Variants in ACOX3 observed in about 807,000 individuals in gnomAD.
ACOX3 encodes the protein acyl-CoA oxidase 3, pristanoyl, also known as peroxisomal acyl-coenzyme A oxidase 3.
Under a neutral mutation model 81.5 loss-of-function variants are expected in ACOX3, and 73 were observed. That is an observed-to-expected ratio of 0.90 (90% CI 0.74 to 1.09). The LOEUF (loss-of-function observed/expected upper bound fraction) is 1.09, where lower values mean the gene tolerates loss of function less well. Ranked by LOEUF, ACOX3 falls within the 50% of genes least tolerant of loss-of-function variation. The probability of loss-of-function intolerance (pLI) is 0.00; values close to 1 mark genes in which losing one functional copy is unlikely to be tolerated. For missense variants in ACOX3, 947 were observed against 928.0 expected (o/e 1.02, Z -0.27); for synonymous variants, 387 against 375.1 (o/e 1.03, Z -0.37).
intron 17 of ACOX3, among the ~76,000 whole-genome samples, chr4:8,369,546 G>A (rs1351995260): frequency 2.0e-5 from 3 of 152,180 alleles, no homozygotes; most frequent in Admixed American, 2.0e-4. Context: ...CTGCAGAGAT[G>A]ACCATCCCTG....
chr4:8,404,776 G>A (rs1248820042), intron 7 of ACOX3, among the ~76,000 whole-genome samples: 1 of 152,316 alleles, frequency 6.6e-6, no homozygotes, highest in East Asian at 1.9e-4. Context: ...GCCTCGCTAT[G>A]AAACACTATA....
rs145751243 is a variant in ACOX3 at position 8,389,245 on chromosome 4, G to T, written c.1465C>A (p.Leu489Met). The change falls in exon 13 of 18, where the codon CTG becomes ATG. Residue 489 changes from leucine to methionine, a missense_variant. Coordinates refer to ENST00000356406, the MANE Select transcript of ACOX3 (RefSeq NM_003501.3). The surrounding 1 kb of genome is among the most constrained non-coding windows in gnomAD (Gnocchi z 5.3). ...FRSPLKSVDFLDAYPGILDQK... is the reference protein window; with the variant it reads ...FRSPLKSVDFMDAYPGILDQK... ...TCAAGGATGCCGGGATAGGCGTCCA[G>T]AAAGTCCACTGACTTCAGCGGACTG... 3.1e-5 allele frequency: 50 copies of T among 1,613,762 alleles called. No homozygotes were observed. The highest frequency in any genetic ancestry group is 4.2e-5 in the Non-Finnish European group (49 of 1,179,972).
chr4:8,385,719 G>A lies in ACOX3; in HGVS notation c.1537+3454C>T, dbSNP rs1311827752. ...CCTCCACCCTTCCTCACAGGCAAGC[G>A]CAACCCCGGAAGGGGCCTGTGTCTC... On this transcript the variant is annotated intron_variant, in intron 13 of 17. Coordinates refer to ENST00000356406, the MANE Select transcript of ACOX3 (RefSeq NM_003501.3). This position sits in a 1 kb window ranked among gnomAD's most constrained non-coding sequence, Gnocchi z 5.5. 3.9e-5 allele frequency among the ~76,000 whole-genome samples: 6 copies of A among 152,216 alleles called. No homozygotes were observed. Among genetic ancestry groups the A allele is most frequent in the Admixed American group, 1.3e-4 (2 of 15,288 alleles).
chr4:8,405,369 C>T lies in ACOX3; in HGVS notation c.776+586G>A, dbSNP rs1037799811. Among the ~76,000 whole-genome samples, 2 of 152,214 alleles carry T rather than the reference C, an allele frequency of 1.3e-5. No individual in the cohort carries two copies. The highest frequency in any genetic ancestry group is 4.8e-5 in the African/African-American group (2 of 41,464). ...TCAAGCATTCATTAGTCTTTCTAGGCCCCTCCCCTCTGCACGCCCCATCCA... is the reference window on the plus strand; with the variant it reads ...TCAAGCATTCATTAGTCTTTCTAGGTCCCTCCCCTCTGCACGCCCCATCCA... On this transcript the variant is annotated intron_variant, in intron 7 of 17. Coordinates refer to ENST00000356406, the MANE Select transcript of ACOX3 (RefSeq NM_003501.3). The surrounding 1 kb of genome is among the most constrained non-coding windows in gnomAD (Gnocchi z 7.1).
chr4:8,433,513 G>A (rs1724066156), intron 1 of ACOX3, among the ~76,000 whole-genome samples: 1 of 152,160 alleles, frequency 6.6e-6, no homozygotes, highest in African/African-American at 2.4e-5. Context: ...CCAAACTTAC[G>A]GTAATTTGTT....
At position 8,389,253 on chromosome 4, in the gene ACOX3, A is replaced by G; in HGVS notation, c.1457T>C (p.Val486Ala). 1.2e-6 allele frequency: 2 copies of G among 1,613,720 alleles called. No homozygotes were observed. ...GACFRSPLKS[V>A]DFLDAYPGIL... The stretch of plus-strand genomic sequence containing the variant: ...GCCGGGATAGGCGTCCAGAAAGTCC[A>G]CTGACTTCAGCGGACTGCGGAAGCA... The change falls in exon 13 of 18, where the codon GTG (valine) becomes GCG (alanine). Residue 486 changes from valine to alanine, a missense_variant. Coordinates refer to ENST00000356406, the MANE Select transcript of ACOX3 (RefSeq NM_003501.3). The surrounding 1 kb of genome is among the most constrained non-coding windows in gnomAD (Gnocchi z 5.3).
Position 8,416,614 on chromosome 4 carries a change from A to G in ACOX3, c.-14-79T>C, listed in dbSNP as rs912552249. ...ACCCCCACCAACAGGAGAGCCCGCA[A>G]CACCTTACAAATCAGAGAAAAGTAA... On this transcript the variant is annotated intron_variant, in intron 1 of 17. Transcript: ENST00000356406. This position sits in a 1 kb window ranked among gnomAD's most constrained non-coding sequence, Gnocchi z 4.2. 27 of 1,413,966 alleles carry G rather than the reference A, an allele frequency of 1.9e-5. No homozygotes were observed. Among genetic ancestry groups the G allele is most frequent in the Non-Finnish European group, 2.5e-5 (27 of 1,066,608 alleles). 87.6% of individuals were successfully genotyped at this position (1,413,966 alleles called of 1,614,324 possible).
At chr4:8,365,752 G>GGGGGGTGGTGTCCTGACCCTTTTGGT (rs1424109507), downstream of ACOX3, among the ~76,000 whole-genome samples, 50 of 94,468 alleles carry the variant, frequency 5.3e-4, no homozygotes, top group African/African-American at 2.3e-3. Flanking sequence ...GGGATGTGGT[G>GGGGGGTGGTGTCCTGACCCTTTTGGT]GGGGGGTGGT....
At chr4:8,380,587 C>T (rs1162064501) in intron 14 of ACOX3, among the ~76,000 whole-genome samples, 4 of 152,198 alleles carry the variant, frequency 2.6e-5, no homozygotes, top group Admixed American at 6.5e-5. Context: ...AGGAGCTGGC[C>T]TGAGGGGCGG....
Position 8,369,631 on chromosome 4 carries a change from C to T in ACOX3, c.1983+1277G>A, listed in dbSNP as rs111294746. ...CTGGCACTACCTGCCTCTTGGCACA[C>T]CTAGCCCAACCCAGGTGTAGCCTGG... On this transcript the variant is annotated intron_variant, in intron 17 of 17. Transcript: ENST00000356406. Among the ~76,000 whole-genome samples, 11 of 152,352 alleles carry T rather than the reference C, an allele frequency of 7.2e-5. 2 individuals carry two copies. Among genetic ancestry groups the T allele is most frequent in the African/African-American group, 2.6e-4 (11 of 41,588 alleles).
chr4:8,403,609 AT>A (rs1411457742), intron 7 of ACOX3, among the ~76,000 whole-genome samples: 3 of 152,202 alleles, frequency 2.0e-5, no homozygotes, highest in Non-Finnish European at 4.4e-5. Context: ...GGCGGTCGTT[AT>A]TGTGTTAGTG....
intron 17 of ACOX3, among the ~76,000 whole-genome samples, chr4:8,369,671 A>T (rs1715912512): frequency 6.6e-6 from 1 of 152,214 alleles, no homozygotes; most frequent in African/African-American, 2.4e-5. Context: ...CGCTGAGGCC[A>T]GGCGCTGGGC....
At chr4:8,356,516 A>G in the ACOX3 span, 1 of 449,630 alleles carries the variant, frequency 2.2e-6, no homozygotes, top group African/African-American at 2.0e-5. Context: ...CATCACTTTA[A>G]GTGGAAAAAG....
the ACOX3 span, among the ~76,000 whole-genome samples, chr4:8,358,693 C>T: frequency 1.3e-5 from 2 of 152,302 alleles, no homozygotes; most frequent in African/African-American, 2.4e-5. Flanking sequence ...CTCTGGTCAT[C>T]CTCACTGCTA....
chr4:8,360,058 A>G, the ACOX3 span, among the ~76,000 whole-genome samples: 5 of 152,192 alleles, frequency 3.3e-5, no homozygotes. Flanking sequence ...AGGTCCCTCA[A>G]AAAACTGGAT....
At chr4:8,402,728 G>GGT (rs1191643400) in intron 7 of ACOX3, among the ~76,000 whole-genome samples, 1 of 152,190 alleles carries the variant, frequency 6.6e-6, no homozygotes, top group East Asian at 1.9e-4. Context: ...GTGTGTCACA[G>GGT]GTGTGTGTGT....
At position 8,385,241 on chromosome 4, in the gene ACOX3, C is replaced by T. The variant is rs147397354; in HGVS notation, c.1538-3634G>A. 1.3e-5 allele frequency among the ~76,000 whole-genome samples: 2 copies of T among 152,196 alleles called. No homozygotes were observed. Among genetic ancestry groups the T allele is most frequent in the African/African-American group, 4.8e-5 (2 of 41,520 alleles). ...AACCCCACTGCTCACCTCATATGACCCCACTGCCCACCTCACATGACCTCA... is the reference window on the plus strand; with the variant it reads ...AACCCCACTGCTCACCTCATATGACTCCACTGCCCACCTCACATGACCTCA... On this transcript the variant is annotated intron_variant, in intron 13 of 17. Coordinates refer to ENST00000356406, the MANE Select transcript of ACOX3 (RefSeq NM_003501.3). The surrounding 1 kb of genome is among the most constrained non-coding windows in gnomAD (Gnocchi z 5.5).
chr4:8,376,519 A>C (rs934312853), intron 14 of ACOX3, among the ~76,000 whole-genome samples: 1 of 152,152 alleles, frequency 6.6e-6, no homozygotes. Flanking sequence ...TCACAAAGCC[A>C]GTGTCCTCCA....
At position 8,405,418 on chromosome 4, in the gene ACOX3, C is replaced by T. The variant is rs117604983; in HGVS notation, c.776+537G>A. The stretch of plus-strand genomic sequence containing the variant: ...CAACCCTTCAGCCAGGCCTTGGCCA[C>T]ACCAACCCGGTGTCACATGTGTGCT... On this transcript the variant is annotated intron_variant, in intron 7 of 17. Coordinates refer to ENST00000356406, the MANE Select transcript of ACOX3 (RefSeq NM_003501.3). This position sits in a 1 kb window ranked among gnomAD's most constrained non-coding sequence, Gnocchi z 7.1. 8.9e-4 allele frequency among the ~76,000 whole-genome samples: 135 copies of T among 152,344 alleles called. No individual in the cohort carries two copies. The East Asian group carries it at 0.023, about 26-fold the overall frequency.
Sources: gnomAD v4.1 joint callset for allele counts (sites outside exome capture counted in the v4.1 genomes callset) on GRCh38, gnomAD v4.1.1 for gene constraint, Gnocchi (gnomAD v3.1) non-coding constraint, MANE v1.5 for transcripts, NCBI Gene and HGNC (gene_info 2026-07-23, HGNC 2026-07-21) for gene names.